USP6NL: variants seen among roughly 807,000 people sequenced by gnomAD.
USP6NL encodes USP6 N-terminal-like protein.
USP6NL carries 26 observed loss-of-function variants against 61.9 expected under a neutral mutation model. The ratio of observed to expected loss-of-function variants is 0.42; its 90% CI spans 0.31 to 0.58. USP6NL has a LOEUF of 0.58. Among genes scored for constraint, USP6NL ranks in the 20% least tolerant of loss-of-function variants. The probability of loss-of-function intolerance (pLI) is 0.16; values close to 1 mark genes in which losing one functional copy is unlikely to be tolerated. For synonymous variants in USP6NL, 432 were observed against 390.1 expected, an observed-to-expected ratio of 1.11 and a Z score of -1.27; for missense variants, 1,114 against 1,034.3, an observed-to-expected ratio of 1.08 and a Z score of -1.06.
chr10:11,583,309 TC>T (rs35928504), intron 2 of USP6NL, among the ~76,000 whole-genome samples: 17,126 of 151,416 alleles, frequency 0.11, 1,281 homozygotes, highest in East Asian at 0.16. Flanking sequence ...CGCCTCAGTC[TC>T]CCGAGTAGCT....
At chr10:11,519,213 C>T (rs1336867261) in intron 4 of USP6NL, among the ~76,000 whole-genome samples, 1 of 152,168 alleles carries the variant, frequency 6.6e-6, no homozygotes, top group Admixed American at 6.5e-5. Context: ...TGCTTTAGAC[C>T]ACCACCTCCA....
At position 11,496,700 on chromosome 10, in the gene USP6NL, T is replaced by C. The variant is rs139087415; in HGVS notation, c.385-3472A>G. 6.6e-6 allele frequency among the ~76,000 whole-genome samples: 1 copy of C among 152,204 alleles called. No homozygotes were observed. Among genetic ancestry groups the C allele is most frequent in the Non-Finnish European group, 1.5e-5 (1 of 68,012 alleles). On this transcript the variant is annotated intron_variant, in intron 7 of 14. Transcript: ENST00000609104. This position sits in a 1 kb window ranked among gnomAD's most constrained non-coding sequence, Gnocchi z 5.4. The stretch of plus-strand genomic sequence containing the variant: ...GGACTTCTGCTTGAATCAATTCCAA[T>C]AAATATACATAAAAACATAACTGTT...
intron 4 of USP6NL, among the ~76,000 whole-genome samples, chr10:11,522,422 C>T (rs4445554): frequency 0.23 from 34,219 of 152,052 alleles, 4,430 homozygotes; most frequent in East Asian, 0.59. Flanking sequence ...TATTCAATAG[C>T]GCATAAAACT....
intron 3 of USP6NL, 125 bp downstream of exon 3, chr10:11,527,375 C>T: frequency 5.2e-6 from 4 of 764,480 alleles, no homozygotes. Flanking sequence ...CGAAGATGAT[C>T]TCTATGTCCC....
At chr10:11,550,846 G>A (rs1836454366) in intron 2 of USP6NL, among the ~76,000 whole-genome samples, 1 of 149,688 alleles carries the variant, frequency 6.7e-6, no homozygotes, top group Admixed American at 6.6e-5. Flanking sequence ...AAGACACATG[G>A]ATATATGAAT....
chr10:11,556,961 A>T (rs914582345), intron 2 of USP6NL, among the ~76,000 whole-genome samples: 92 of 152,316 alleles, frequency 6.0e-4, no homozygotes, highest in African/African-American at 2.2e-3. Context: ...TATTCCTTGC[A>T]CGCACAGATG....
rs916566456 is a variant in USP6NL at position 11,520,528 on chromosome 10, G to A, written c.156-1954C>T. On this transcript the variant is annotated intron_variant, in intron 4 of 14. Coordinates refer to ENST00000609104, the MANE Select transcript of USP6NL (RefSeq NM_014688.5). The surrounding 1 kb of genome is among the most constrained non-coding windows in gnomAD (Gnocchi z 5.2). ...GGCATGCTGGAAGAGCTCAGTAAAC[G>A]GTGCTGAATGAAGATATGAACAGGA... Among the ~76,000 whole-genome samples the A allele has an allele frequency of 2.6e-5, 4 of 152,208 alleles. No individual in the cohort carries two copies. Among genetic ancestry groups the A allele is most frequent in the South Asian group, 4.1e-4 (2 of 4,830 alleles).
At position 11,493,364 on chromosome 10, in the gene USP6NL, A is replaced by G. The variant is rs185163968; in HGVS notation, c.385-136T>C. The G allele has an allele frequency of 4.4e-3, 3,040 of 698,254 alleles. 23 individuals are homozygous for G. Among genetic ancestry groups the G allele is most frequent in the Non-Finnish European group, 5.1e-3 (2,166 of 425,252 alleles). 43.3% of individuals were successfully genotyped at this position (698,254 alleles called of 1,614,324 possible). A position where few individuals can be genotyped will look rare whatever the true frequency, so the allele number is the denominator to read the frequency against. On this transcript the variant is annotated intron_variant, in intron 7 of 14. Transcript: ENST00000609104. The stretch of plus-strand genomic sequence containing the variant: ...AATGGTTAAAAAAAATCAAAACTAT[A>G]TATACAAAAAGGTACACAATAGAAA...
rs1163249733 is a variant in USP6NL, at chr10:11,511,289, T to C, written c.196-1614A>G. Among the ~76,000 whole-genome samples, 1 of 152,238 alleles carries C rather than the reference T, an allele frequency of 6.6e-6. No homozygotes were observed. The highest frequency in any genetic ancestry group is 1.9e-4 in the East Asian group (1 of 5,202). ...GCTAAGTATATTTTCCTCATTATAT[T>C]ATTAGTGATAAACTGTTGCAGATGG... On this transcript the variant is annotated intron_variant, in intron 5 of 14. Coordinates refer to ENST00000609104, the MANE Select transcript of USP6NL (RefSeq NM_014688.5). The surrounding 1 kb of genome is among the most constrained non-coding windows in gnomAD (Gnocchi z 4.9).
At position 11,491,036 on chromosome 10, in the gene USP6NL, C is replaced by T. The variant is rs369881083; in HGVS notation, c.495-156G>A. The stretch of plus-strand genomic sequence containing the variant: ...ATCCCAAGTTCAAATTCAAACAACA[C>T]TCTAAAAAGTCTAAATTCAAGACTA... On this transcript the variant is annotated intron_variant, in intron 8 of 14. Coordinates refer to ENST00000609104, the MANE Select transcript of USP6NL (RefSeq NM_014688.5). This position sits in a 1 kb window ranked among gnomAD's most constrained non-coding sequence, Gnocchi z 4.7. Among the ~76,000 whole-genome samples the T allele has an allele frequency of 4.7e-4, 72 of 152,256 alleles. No individual in the cohort carries two copies. Among genetic ancestry groups the T allele is most frequent in the Middle Eastern group, 3.4e-3 (1 of 294 alleles).
At chr10:11,483,621 G>T (rs1229568259) in intron 13 of USP6NL, among the ~76,000 whole-genome samples, 1 of 12,828 alleles carries the variant, frequency 7.8e-5, no homozygotes. Context: ...GAGAGGGGGG[G>T]AGAAGGGGAG....
intron 2 of USP6NL, among the ~76,000 whole-genome samples, chr10:11,581,440 A>G (rs1179987175): frequency 6.6e-6 from 1 of 152,246 alleles, no homozygotes; most frequent in African/African-American, 2.4e-5. Flanking sequence ...ACAACCCAGC[A>G]TCTTTTCATT....
Position 11,597,507 on chromosome 10 carries a change from C to G in USP6NL, c.4+124G>C. 4.0e-6 allele frequency: 4 copies of G among 1,002,556 alleles called. No individual in the cohort carries two copies. Among genetic ancestry groups the G allele is most frequent in the Non-Finnish European group, 6.2e-6 (4 of 648,756 alleles). The allele number at this position is 1,002,556 out of a possible 1,614,324, so 62.1% of individuals were successfully genotyped here. A position where few individuals can be genotyped will look rare whatever the true frequency, so the allele number is the denominator to read the frequency against. On this transcript the variant is annotated intron_variant, in intron 2 of 14. Transcript: ENST00000609104. The surrounding 1 kb of genome is among the most constrained non-coding windows in gnomAD (Gnocchi z 4.6). ...GACAAGCGCAGAGTGCTGGGTGGAACCACATTCAAACTCTGAATAAGTGAC... is the reference window on the plus strand; with the variant it reads ...GACAAGCGCAGAGTGCTGGGTGGAAGCACATTCAAACTCTGAATAAGTGAC...
chr10:11,570,065 T>C (rs1311639964), intron 2 of USP6NL, among the ~76,000 whole-genome samples: 1 of 152,200 alleles, frequency 6.6e-6, no homozygotes, highest in Non-Finnish European at 1.5e-5. Flanking sequence ...CTAGCTAGCC[T>C]TTATGCATGC....
Position 11,499,827 on chromosome 10 carries a change from T to A in USP6NL, c.384+1274A>T, listed in dbSNP as rs561934639. ...AGAGAGTTCTGTTGTTTTGAGCCGCTTAGTTTGTGGTACTTGGTTACAGCA... is the reference window on the plus strand; with the variant it reads ...AGAGAGTTCTGTTGTTTTGAGCCGCATAGTTTGTGGTACTTGGTTACAGCA... On this transcript the variant is annotated intron_variant, in intron 7 of 14. Transcript: ENST00000609104. This position sits in a 1 kb window ranked among gnomAD's most constrained non-coding sequence, Gnocchi z 4.5. Among the ~76,000 whole-genome samples, 1 of 152,332 alleles carries A rather than the reference T, an allele frequency of 6.6e-6. No homozygotes were observed. Among genetic ancestry groups the A allele is most frequent in the Admixed American group, 6.5e-5 (1 of 15,306 alleles).
Position 11,468,842 on chromosome 10 carries a change from GA to G in USP6NL, c.1079-4994del, listed in dbSNP as rs553762272. Among the ~76,000 whole-genome samples the G allele has an allele frequency of 0.02, 3,059 of 152,204 alleles. 54 individuals are homozygous for G. The highest frequency in any genetic ancestry group is 0.036 in the Non-Finnish European group (2,435 of 68,010). On this transcript the variant is annotated intron_variant, in intron 14 of 14. Transcript: ENST00000609104. This position sits in a 1 kb window ranked among gnomAD's most constrained non-coding sequence, Gnocchi z 4.5. ...AATATAAGGCATGTGTTTCTTAGGA[GA>G]AAGAAAAAACCAATTGAGAAGTAAT...
rs1488431685 is a variant in USP6NL, at chr10:11,528,235, A to G, written c.5-668T>C. 6.6e-6 allele frequency among the ~76,000 whole-genome samples: 1 copy of G among 152,096 alleles called. No individual in the cohort carries two copies. Among genetic ancestry groups the G allele is most frequent in the Admixed American group, 6.5e-5 (1 of 15,272 alleles). On this transcript the variant is annotated intron_variant, in intron 2 of 14. Coordinates refer to ENST00000609104, the MANE Select transcript of USP6NL (RefSeq NM_014688.5). This position sits in a 1 kb window ranked among gnomAD's most constrained non-coding sequence, Gnocchi z 4.6. ...ACAAAAGTCGAGATCATAACATGAA[A>G]TAGTATGAATATATACCATAAGTTT... is the stretch of plus-strand genomic sequence containing the variant.
At chr10:11,501,028 G>T in intron 7 of USP6NL, 73 bp downstream of exon 7, 1 of 1,174,836 alleles carries the variant, frequency 8.5e-7, no homozygotes. Flanking sequence ...AATATCTTAT[G>T]TCACCTTGAA....
In USP6NL at chr10:11,510,432, C is replaced by T. The variant is rs1224320003; in HGVS notation, c.196-757G>A. 1.3e-5 allele frequency among the ~76,000 whole-genome samples: 2 copies of T among 152,038 alleles called. No individual in the cohort carries two copies. Among genetic ancestry groups the T allele is most frequent in the Non-Finnish European group, 2.9e-5 (2 of 67,996 alleles). On this transcript the variant is annotated intron_variant, in intron 5 of 14. Coordinates refer to ENST00000609104, the MANE Select transcript of USP6NL (RefSeq NM_014688.5). The surrounding 1 kb of genome is among the most constrained non-coding windows in gnomAD (Gnocchi z 4.8). ...GAGAATGCATGTATTTCTGAGACAG[C>T]AGGGGCCGACAGCAGCTCCAAAGGG...
Sources: gnomAD v4.1 joint callset for allele counts (sites outside exome capture counted in the v4.1 genomes callset) on GRCh38, gnomAD v4.1.1 for gene constraint, Gnocchi (gnomAD v3.1) non-coding constraint, MANE v1.5 for transcripts, NCBI Gene and HGNC (gene_info 2026-07-23, HGNC 2026-07-21) for gene names.